Variants in SLIT2 observed in about 807,000 individuals in gnomAD.
SLIT2 encodes the protein slit homolog 2 protein.
Under a neutral mutation model 185.7 loss-of-function variants are expected in SLIT2, and 41 were observed. The ratio of observed to expected loss-of-function variants is 0.22; its 90% CI spans 0.17 to 0.29. SLIT2 has a LOEUF of 0.29. Among genes scored for constraint, SLIT2 ranks in the 10% least tolerant of loss-of-function variants. The pLI is 1.00. For missense variants in SLIT2, 1,571 were observed against 1,909.0 expected, an observed-to-expected ratio of 0.82 and a Z score of 3.30; for synonymous variants, 693 against 680.2, an observed-to-expected ratio of 1.02 and a Z score of -0.29.
intron 4 of SLIT2, among the ~76,000 whole-genome samples, chr4:20,391,628 T>G (rs1725420448): frequency 6.6e-6 from 1 of 152,152 alleles, no homozygotes; most frequent in Non-Finnish European, 1.5e-5. Flanking sequence ...TTAGCACGAT[T>G]TCTGATTCAA....
intron 4 of SLIT2, among the ~76,000 whole-genome samples, chr4:20,342,376 T>G (rs886623403): frequency 2.0e-5 from 3 of 152,100 alleles, no homozygotes; most frequent in Non-Finnish European, 4.4e-5. Context: ...AATTATAGTG[T>G]TGTTTATTTG....
At chr4:20,336,645 C>T (rs1324925272) in intron 4 of SLIT2, among the ~76,000 whole-genome samples, 3 of 151,896 alleles carry the variant, frequency 2.0e-5, no homozygotes, top group Admixed American at 1.3e-4. Context: ...CAAACCTGCA[C>T]GTTGTGCACA....
chr4:20,323,790 C>T (rs116423431), intron 4 of SLIT2, among the ~76,000 whole-genome samples: 1 of 152,152 alleles, frequency 6.6e-6, no homozygotes, highest in African/African-American at 2.4e-5. Context: ...TTATGTCACT[C>T]GAACTACCAT....
chr4:20,575,014 G>A (rs1246734303), intron 29 of SLIT2, among the ~76,000 whole-genome samples: 1 of 151,976 alleles, frequency 6.6e-6, no homozygotes, highest in Non-Finnish European at 1.5e-5. Flanking sequence ...TACCTTCCTG[G>A]GTCAAATGGC....
intron 4 of SLIT2, among the ~76,000 whole-genome samples, chr4:20,356,935 C>T (rs997967003): frequency 1.3e-5 from 2 of 152,062 alleles, no homozygotes; most frequent in African/African-American, 4.8e-5. Flanking sequence ...AGAAAAATTA[C>T]TTCTCAGTCT....
At chr4:20,458,341 C>T (rs1356836444) in intron 4 of SLIT2, among the ~76,000 whole-genome samples, 1 of 152,052 alleles carries the variant, frequency 6.6e-6, no homozygotes, top group Non-Finnish European at 1.5e-5. Flanking sequence ...CAATTTCCAA[C>T]TAGATGCAAA....
At chr4:20,344,466 G>A (rs983839259) in intron 4 of SLIT2, among the ~76,000 whole-genome samples, 9 of 152,008 alleles carry the variant, frequency 5.9e-5, no homozygotes, top group African/African-American at 1.2e-4. Context: ...CTTTCTGCCT[G>A]CATTGAAACA....
Position 20,251,994 on chromosome 4 carries a change from GAA to G in SLIT2, c.-1821_-1820del, listed in dbSNP as rs1458882869. ...TGCCGCAGACTGTGGTTAAAAAAAA[GAA>G]GGCGGCGGCGGCGGCGGCGGCGGAG... is the stretch of plus-strand genomic sequence containing the variant. On this transcript the variant is annotated 5_prime_UTR_variant, in exon 1 of 37. Transcript: ENST00000504154. Among the ~76,000 whole-genome samples, 205 of 151,672 alleles carry G rather than the reference GAA, an allele frequency of 1.4e-3. 3 individuals are homozygous for G. Among genetic ancestry groups the G allele is most frequent in the Admixed American group, 0.011 (174 of 15,284 alleles).
chr4:20,455,447 A>T (rs1712959123), intron 4 of SLIT2, among the ~76,000 whole-genome samples: 1 of 152,184 alleles, frequency 6.6e-6, no homozygotes, highest in African/African-American at 2.4e-5. Context: ...GACCAAATAC[A>T]AAAGAGCTGC....
At chr4:20,441,050 C>T (rs570354762) in intron 4 of SLIT2, among the ~76,000 whole-genome samples, 1 of 146,918 alleles carries the variant, frequency 6.8e-6, no homozygotes, top group African/African-American at 2.5e-5. Flanking sequence ...ATGAAAATGA[C>T]CGAAGCCTCC....
chr4:20,274,772 T>C (rs1452069706), intron 4 of SLIT2, among the ~76,000 whole-genome samples: 1 of 151,884 alleles, frequency 6.6e-6, no homozygotes, highest in Non-Finnish European at 1.5e-5. Context: ...GCTGTACTTA[T>C]TTAAACGACT....
rs1241837643 is a variant in SLIT2 at position 20,344,788 on chromosome 4, A to G, written c.395+75907A>G. ...CTTTAACCTCTGTGGGTTAAGAGAT[A>G]CTACTGATAACCCTAGCTTCTGAAA... is the stretch of plus-strand genomic sequence containing the variant. On this transcript the variant is annotated intron_variant, in intron 4 of 36. Coordinates refer to ENST00000504154, the MANE Select transcript of SLIT2 (RefSeq NM_004787.4). 2.0e-5 allele frequency among the ~76,000 whole-genome samples: 3 copies of G among 152,210 alleles called. No individual in the cohort carries two copies. The East Asian group carries it at 5.8e-4, about 29-fold the overall frequency.
chr4:20,397,026 A>AT (rs1323743188), intron 4 of SLIT2, among the ~76,000 whole-genome samples: 1 of 151,612 alleles, frequency 6.6e-6, no homozygotes, highest in African/African-American at 2.4e-5. Context: ...ATCTAATTAT[A>AT]TATTACTCTT....
intron 29 of SLIT2, among the ~76,000 whole-genome samples, chr4:20,586,143 G>A (rs547342701): frequency 1.3e-5 from 2 of 152,144 alleles, no homozygotes; most frequent in South Asian, 2.1e-4. Flanking sequence ...TTTTGAAAGC[G>A]GTCCTTCCCT....
intron 15 of SLIT2, among the ~76,000 whole-genome samples, chr4:20,526,780 A>C (rs979378439): frequency 1.3e-5 from 2 of 152,166 alleles, no homozygotes; most frequent in Non-Finnish European, 2.9e-5. Flanking sequence ...AGAAGCCAGG[A>C]CTCAAAAGGA....
intron 4 of SLIT2, among the ~76,000 whole-genome samples, chr4:20,385,043 C>T (rs564559832): frequency 2.0e-5 from 3 of 152,238 alleles, no homozygotes; most frequent in East Asian, 1.9e-4. Context: ...CTGACGATCT[C>T]TTCTTGGGTA....
intron 29 of SLIT2, among the ~76,000 whole-genome samples, chr4:20,570,744 T>TATATAC (rs1186292676): frequency 1.6e-5 from 2 of 126,132 alleles, no homozygotes; most frequent in African/African-American, 7.1e-5. Flanking sequence ...TATATATATA[T>TATATAC]ATATATATAT....
At chr4:20,268,527 A>G (rs1713273523) in intron 3 of SLIT2, among the ~76,000 whole-genome samples, 1 of 151,790 alleles carries the variant, frequency 6.6e-6, no homozygotes, top group Admixed American at 6.6e-5. Context: ...AATCACAAAA[A>G]TCCTTTATCA....
intron 4 of SLIT2, among the ~76,000 whole-genome samples, chr4:20,289,197 A>G (rs565769676): frequency 1.7e-3 from 262 of 152,292 alleles, no homozygotes; most frequent in African/African-American, 6.0e-3. Context: ...CAGGAATTTG[A>G]ATCAGTTTTC....
Sources: gnomAD v4.1 joint callset for allele counts (sites outside exome capture counted in the v4.1 genomes callset) on GRCh38, gnomAD v4.1.1 for gene constraint, MANE v1.5 for transcripts, NCBI Gene and HGNC (gene_info 2026-07-23, HGNC 2026-07-21) for gene names.